GPHN: variants seen among roughly 807,000 people sequenced by gnomAD.
GPHN encodes gephyrin.
Under a neutral mutation model 95.5 loss-of-function variants are expected in GPHN, and 17 were observed. That is an observed-to-expected ratio of 0.18 (90% confidence interval 0.12 to 0.27). GPHN has a LOEUF of 0.27. GPHN is among the 10% of genes least tolerant of loss of function. The pLI, the probability that GPHN is intolerant of heterozygous loss-of-function variation, is 1.00. For synonymous variants in GPHN, 320 were observed against 322.5 expected (o/e 0.99, Z 0.08); for missense variants, 660 against 978.1 (o/e 0.67, Z 4.34).
At chr14:67,234,629 A>C in the GPHN span, among the ~76,000 whole-genome samples, 2 of 152,032 alleles carry the variant, frequency 1.3e-5, no homozygotes, top group Non-Finnish European at 2.9e-5. Context: ...GGCTCACTGC[A>C]ACTTCCTCCC....
chr14:66,797,531 CA>C (rs1435269858), intron 3 of GPHN, among the ~76,000 whole-genome samples: 1 of 151,734 alleles, frequency 6.6e-6, no homozygotes, highest in Non-Finnish European at 1.5e-5. Context: ...ATTAATCTTT[CA>C]TTAAGATCTT....
intron 1 of GPHN, among the ~76,000 whole-genome samples, chr14:66,545,868 C>G (rs1201675343): frequency 6.7e-6 from 1 of 150,328 alleles, no homozygotes; most frequent in African/African-American, 2.5e-5. Flanking sequence ...GGGGGCTGAC[C>G]CCCCCACCTC....
At chr14:66,782,828 A>G (rs2059652582) in intron 3 of GPHN, among the ~76,000 whole-genome samples, 1 of 152,094 alleles carries the variant, frequency 6.6e-6, no homozygotes, top group African/African-American at 2.4e-5. Context: ...GCGAGACTCC[A>G]TCTCAAAAAC....
the GPHN span, among the ~76,000 whole-genome samples, chr14:67,625,158 A>T: frequency 3.5e-5 from 5 of 141,558 alleles, no homozygotes; most frequent in South Asian, 8.9e-4. Context: ...TATCCACATT[A>T]AAAAAAAAAA....
chr14:66,879,540 G>T (rs558209401), intron 4 of GPHN, among the ~76,000 whole-genome samples: 2 of 151,888 alleles, frequency 1.3e-5, no homozygotes, highest in Admixed American at 6.6e-5. Flanking sequence ...GATTATCTCA[G>T]GTTTTCAGAG....
chr14:66,622,019 A>G (rs1433219343), intron 1 of GPHN, among the ~76,000 whole-genome samples: 1 of 152,108 alleles, frequency 6.6e-6, no homozygotes, highest in Non-Finnish European at 1.5e-5. Flanking sequence ...ATTCAACCCC[A>G]CATTTCTTTT....
chr14:66,542,891 A>G (rs914080887), intron 1 of GPHN, among the ~76,000 whole-genome samples: 1 of 152,182 alleles, frequency 6.6e-6, no homozygotes, highest in Non-Finnish European at 1.5e-5. Context: ...GCGACTAGGT[A>G]ATTTATAAAG....
At chr14:66,665,957 T>A (rs1398554866) in intron 1 of GPHN, among the ~76,000 whole-genome samples, 1 of 152,152 alleles carries the variant, frequency 6.6e-6, no homozygotes. Context: ...TGTAGGGGCA[T>A]GGATGAAGCT....
At chr14:67,527,826 G>A in the GPHN span, among the ~76,000 whole-genome samples, 1 of 152,198 alleles carries the variant, frequency 6.6e-6, no homozygotes, top group Non-Finnish European at 1.5e-5. Flanking sequence ...CAAAGTAGTG[G>A]CTGAGCAAGA....
chr14:66,978,896 G>T (rs74361835), intron 9 of GPHN, among the ~76,000 whole-genome samples: 1 of 152,158 alleles, frequency 6.6e-6, no homozygotes, highest in Admixed American at 6.5e-5. Flanking sequence ...GATCTGTAGG[G>T]TGAAGAGTGG....
At chr14:66,760,734 C>A in intron 2 of GPHN, 1 of 461,660 alleles carries the variant, frequency 2.2e-6, no homozygotes, top group South Asian at 1.7e-5. Flanking sequence ...GTGGATAATT[C>A]ATTTGAATTT....
At chr14:66,610,818 A>G (rs908198814) in intron 1 of GPHN, among the ~76,000 whole-genome samples, 4 of 152,114 alleles carry the variant, frequency 2.6e-5, no homozygotes, top group Non-Finnish European at 4.4e-5. Context: ...GAAAATTACT[A>G]AAAGGAAATA....
intron 2 of GPHN, among the ~76,000 whole-genome samples, chr14:66,742,048 T>G (rs528757332): frequency 6.6e-6 from 1 of 152,310 alleles, no homozygotes; most frequent in South Asian, 2.1e-4. Context: ...ACGCTCAGAA[T>G]GCTTTATTGA....
chr14:67,323,267 A>ATG, the GPHN span, among the ~76,000 whole-genome samples: 1 of 133,454 alleles, frequency 7.5e-6, no homozygotes, highest in African/African-American at 3.2e-5. Flanking sequence ...GTGTGTATAT[A>ATG]TATATATGGC....
chr14:66,555,384 G>T (rs1287332867), intron 1 of GPHN, among the ~76,000 whole-genome samples: 1 of 152,130 alleles, frequency 6.6e-6, no homozygotes, highest in African/African-American at 2.4e-5. Flanking sequence ...ATATTTTGCA[G>T]ATGTCTACAG....
chr14:67,653,992 C>G, the GPHN span, among the ~76,000 whole-genome samples: 1 of 152,188 alleles, frequency 6.6e-6, no homozygotes, highest in Admixed American at 6.5e-5. Flanking sequence ...ATGGAACTTT[C>G]AACTGCTTGC....
intron 8 of GPHN, 120 bp downstream of exon 8, chr14:66,924,412 G>C: frequency 2.8e-6 from 2 of 712,860 alleles, no homozygotes; most frequent in East Asian, 5.4e-5. Context: ...TTTCAGCCTT[G>C]CTTTCTTGTG....
At chr14:66,668,284 A>G (rs906798874) in intron 1 of GPHN, among the ~76,000 whole-genome samples, 48 of 152,356 alleles carry the variant, frequency 3.2e-4, no homozygotes, top group African/African-American at 1.1e-3. Flanking sequence ...ATTACTGGGT[A>G]TATACCCAAA....
the GPHN span, chr14:67,660,095 C>T: frequency 4.7e-6 from 3 of 633,832 alleles, no homozygotes; most frequent in Non-Finnish European, 7.9e-6. Flanking sequence ...TTCTGAATGC[C>T]TTGCATAGTG....
Sources: gnomAD v4.1 joint callset for allele counts (sites outside exome capture counted in the v4.1 genomes callset) on GRCh38, gnomAD v4.1.1 for gene constraint, MANE v1.5 for transcripts, NCBI Gene and HGNC (gene_info 2026-07-23, HGNC 2026-07-21) for gene names.